The following SALL2 variants were observed in gnomAD, a reference collection of about 807,000 sequenced individuals.
The protein encoded by SALL2 is spalt like transcription factor 2, also known as sal-like protein 2.
SALL2 carries 32 observed loss-of-function variants against 58.5 expected under a neutral mutation model. That is an observed-to-expected ratio of 0.55 (90% confidence interval 0.41 to 0.74). SALL2 has a LOEUF of 0.74. SALL2 is among the 30% of genes least tolerant of loss of function. The pLI, the probability that SALL2 is intolerant of heterozygous loss-of-function variation, is 0.00. For synonymous variants in SALL2, 516 were observed against 513.6 expected, an observed-to-expected ratio of 1.00 and a Z score of -0.06; for missense variants, 1,201 against 1,268.9, an observed-to-expected ratio of 0.95 and a Z score of 0.81.
Position 21,523,469 on chromosome 14 carries a change from G to A in SALL2, c.2253C>T (p.Ser751=), listed in dbSNP as rs769274188. 1.9e-6 allele frequency: 3 copies of A among 1,614,048 alleles called. No homozygotes were observed. Among genetic ancestry groups the A allele is most frequent in the Non-Finnish European group, 2.5e-6 (3 of 1,180,016 alleles). ...SGARSFPQQQ[S]QQPSPEEELS... ...ACTCCTCTTCCGGTGATGGCTGCTG[G>A]GACTGCTGCTGGGGGAAACTCCGTG... is the stretch of plus-strand genomic sequence containing the variant. Residue 751 remains serine (S), a synonymous_variant, in exon 2 of 2, where the codon TCC becomes TCT. Coordinates refer to ENST00000537235, the MANE Select transcript of SALL2 (RefSeq NM_001364564.1). This position sits in a 1 kb window ranked among gnomAD's most constrained non-coding sequence, Gnocchi z 4.4.
intron 1 of SALL2, among the ~76,000 whole-genome samples, chr14:21,531,671 G>C (rs1043246951): frequency 6.7e-6 from 1 of 150,122 alleles, no homozygotes; most frequent in African/African-American, 2.5e-5. Flanking sequence ...GCCTCCCAAA[G>C]TGCTGGATTA....
intron 1 of SALL2, among the ~76,000 whole-genome samples, chr14:21,531,567 C>T (rs540232598): frequency 1.1e-4 from 17 of 152,066 alleles, no homozygotes; most frequent in African/African-American, 3.4e-4. Flanking sequence ...CCACCACGCC[C>T]GGCTAATTTT....
At position 21,523,022 on chromosome 14, in the gene SALL2, CTT is replaced by C. The variant is rs759163213; in HGVS notation, c.2698_2699del (p.Lys900GlyfsTer49). 6.2e-7 allele frequency: 1 copy of C among 1,614,172 alleles called. No individual in the cohort carries two copies. On this transcript the variant is annotated frameshift_variant, in exon 2 of 2. Transcript: ENST00000537235. LOFTEE classifies it high-confidence loss of function. The surrounding 1 kb of genome is among the most constrained non-coding windows in gnomAD (Gnocchi z 4.4). ...EELSLQEAMR[K>X]EPGESSSRKA... Reference sequence around the variant, plus strand: ...TTCTGCTGCTGCTCTCTCCTGGCTCCTTTCTCATTGCCTCCTGCAGGCTCAGC... The same window carrying C: ...TTCTGCTGCTGCTCTCTCCTGGCTCCTCTCATTGCCTCCTGCAGGCTCAGC...
Position 21,523,864 on chromosome 14 carries a change from G to T in SALL2, c.1858C>A (p.Pro620Thr). 6.2e-7 allele frequency: 1 copy of T among 1,614,234 alleles called. No homozygotes were observed. The highest frequency in any genetic ancestry group is 8.5e-7 in the Non-Finnish European group (1 of 1,180,048). ...SGAPTTSAPAPSSSASSGPNQ... is the reference protein window; with the variant it reads ...SGAPTTSAPATSSSASSGPNQ... ...GGTCCAGAAGAGGCTGAGGATGAAG[G>T]TGCAGGGGCAGAGGTGGTGGGGGCT... Residue 620 changes from proline (P) to threonine (T), a missense_variant, in exon 2 of 2, where the codon CCT becomes ACT. Pro to Thr is a conservative substitution (Grantham distance 38). Transcript: ENST00000537235. The surrounding 1 kb of genome is among the most constrained non-coding windows in gnomAD (Gnocchi z 4.4).
At chr14:21,535,948 A>C (rs1892585709) in intron 1 of SALL2, among the ~76,000 whole-genome samples, 1 of 147,078 alleles carries the variant, frequency 6.8e-6, no homozygotes, top group African/African-American at 2.5e-5. Flanking sequence ...ACCCAGGTTT[A>C]GTGGGTTTAG....
At chr14:21,527,072 A>G (rs1892340281), upstream of SALL2, among the ~76,000 whole-genome samples, 1 of 152,124 alleles carries the variant, frequency 6.6e-6, no homozygotes. Flanking sequence ...GCCATCTCCT[A>G]TTTAGTACCC....
In SALL2 at chr14:21,524,146, G is replaced by T; in HGVS notation, c.1576C>A (p.Pro526Thr). ...ATGGCTGAGCCCTCACTCCCTGGGG[G>T]GGTGTTTTCATCAGCTTTATTCTTG... ...EPKNKADENT[P>T]PGSEGSAISG... The change falls in exon 2 of 2, where the codon CCC (proline) becomes ACC (threonine). Residue 526 changes from proline (P) to threonine (T), a missense_variant. Pro to Thr is a conservative substitution (Grantham distance 38, BLOSUM62 -1). Around this residue, in one of 3 missense-constraint regions of SALL2, gnomAD observed 675 missense variants for 683.8 expected, o/e 0.99. Coordinates refer to ENST00000537235, the MANE Select transcript of SALL2 (RefSeq NM_001364564.1). 6.2e-7 allele frequency: 1 copy of T among 1,612,778 alleles called. No individual in the cohort carries two copies. The highest frequency in any genetic ancestry group is 8.5e-7 in the Non-Finnish European group (1 of 1,179,358).
At position 21,521,752 on chromosome 14, in the gene SALL2, G is replaced by A. The variant is rs866897015; in HGVS notation, c.*952C>T. On this transcript the variant is annotated 3_prime_UTR_variant, in exon 2 of 2. Coordinates refer to ENST00000537235, the MANE Select transcript of SALL2 (RefSeq NM_001364564.1). The stretch of plus-strand genomic sequence containing the variant: ...CTTCACATTTCCCAAATATCTCCTG[G>A]GAGACCTCTTGGCAAGAAATCAGCT... 1 of 445,260 alleles carries A rather than the reference G, an allele frequency of 2.2e-6. No homozygotes were observed. The highest frequency in any genetic ancestry group is 4.1e-6 in the Non-Finnish European group (1 of 246,400). 27.6% of individuals were successfully genotyped at this position (445,260 alleles called of 1,614,324 possible).
At position 21,525,725 on chromosome 14, in the gene SALL2, AAGG is replaced by A; in HGVS notation, c.68-74_68-72del. On this transcript the variant is annotated intron_variant, in intron 1 of 1. Coordinates refer to ENST00000537235, the MANE Select transcript of SALL2 (RefSeq NM_001364564.1). The surrounding 1 kb of genome is among the most constrained non-coding windows in gnomAD (Gnocchi z 4.4). ...TGGGTATACCGAGGCTCTAATTAAC[AAGG>A]AGGCCAGTAACCGCTAGTTGGGGGT... 1 of 1,486,292 alleles carries A rather than the reference AAGG, an allele frequency of 6.7e-7. No homozygotes were observed. 92.1% of individuals were successfully genotyped at this position (1,486,292 alleles called of 1,614,324 possible). A position where few individuals can be genotyped will look rare whatever the true frequency, so the allele number is the denominator to read the frequency against.
chr14:21,536,902 C>T (rs201628931), intron 1 of SALL2: 14 of 1,614,052 alleles, frequency 8.7e-6, no homozygotes, highest in Non-Finnish European at 5.1e-6. Context: ...TTGGGGTTTC[C>T]GCTGCTTTCG....
At position 21,525,599 on chromosome 14, in the gene SALL2, G is replaced by A. The variant is rs867929116; in HGVS notation, c.123C>T (p.Phe41=). 2.5e-6 allele frequency: 4 copies of A among 1,609,980 alleles called. No homozygotes were observed. Among genetic ancestry groups the A allele is most frequent in the Middle Eastern group, 1.6e-4 (1 of 6,068 alleles). Residue 41 remains phenylalanine (F), a synonymous_variant, in exon 2 of 2, where the codon TTC becomes TTT. Coordinates refer to ENST00000537235, the MANE Select transcript of SALL2 (RefSeq NM_001364564.1). This position sits in a 1 kb window ranked among gnomAD's most constrained non-coding sequence, Gnocchi z 4.4. ...GGGCGAGGAATTCAGTTGGGTCAGT[G>A]AATTGTGCGCAGCACTTGGCACAGA... ...PQVCAKCCAQ[F]TDPTEFLAHQ...
At chr14:21,529,422 A>G (rs17254792), upstream of SALL2, among the ~76,000 whole-genome samples, 336 of 152,320 alleles carry the variant, frequency 2.2e-3, 10 homozygotes, top group East Asian at 0.04. Context: ...CGGGAGAACA[A>G]AGAGAAAAAT....
In SALL2 at chr14:21,522,289, C is replaced by A; in HGVS notation, c.*415G>T. 1 of 1,537,774 alleles carries A rather than the reference C, an allele frequency of 6.5e-7. No individual in the cohort carries two copies. Among genetic ancestry groups the A allele is most frequent in the South Asian group, 1.2e-5 (1 of 84,074 alleles). ...ATACCCACCAGCTGAGCAGAAAGGT[C>A]ACCCCAGAGGAGTGGCACTGGGCCC... On this transcript the variant is annotated 3_prime_UTR_variant, in exon 2 of 2. Transcript: ENST00000537235.
In SALL2 at chr14:21,525,321, C is replaced by T. The variant is rs1472574829; in HGVS notation, c.401G>A (p.Gly134Glu). Residue 134 changes from glycine to glutamate, a missense_variant, in exon 2 of 2, where the codon GGA (glycine) becomes GAA (glutamate). By Grantham distance (98) the Gly-to-Glu change is moderately conservative. This residue lies in a region of SALL2 where 467 missense variants were observed against 468.9 expected (regional missense o/e 1.00). Transcript: ENST00000537235. The surrounding 1 kb of genome is among the most constrained non-coding windows in gnomAD (Gnocchi z 4.4). ...LVAATGTAAG[G>E]GGGLILASPK... ...ACTGGCCAAGATCAGGCCCCCGCCTCCCCCAGCCGCTGTACCTGTGGCAGC... is the reference window on the plus strand; with the variant it reads ...ACTGGCCAAGATCAGGCCCCCGCCTTCCCCAGCCGCTGTACCTGTGGCAGC... 3 of 1,613,690 alleles carry T rather than the reference C, an allele frequency of 1.9e-6. No homozygotes were observed. Among genetic ancestry groups the T allele is most frequent in the East Asian group, 4.5e-5 (2 of 44,854 alleles).
intron 1 of SALL2, among the ~76,000 whole-genome samples, chr14:21,534,986 G>C (rs1159506309): frequency 6.6e-6 from 1 of 152,190 alleles, no homozygotes; most frequent in African/African-American, 2.4e-5. Flanking sequence ...GGAAAGGCAA[G>C]TTTAATCTAC....
intron 1 of SALL2, 41 bp downstream of exon 1, chr14:21,526,020 T>G: frequency 7.4e-5 from 60 of 809,574 alleles, no homozygotes; most frequent in Non-Finnish European, 1.0e-4. Context: ...CGCATCCCCC[T>G]CCGCCCCCAC....
At chr14:21,526,010 C>G in intron 1 of SALL2, 51 bp downstream of exon 1, 3 of 965,386 alleles carry the variant, frequency 3.1e-6, no homozygotes, top group African/African-American at 1.6e-5. Flanking sequence ...GCCGCCCCTG[C>G]GCATCCCCCT....
rs866248065 is a variant in SALL2 at position 21,534,694 on chromosome 14, A to G, written c.-114+2268T>C. Among the ~76,000 whole-genome samples the G allele has an allele frequency of 1.3e-5, 2 of 151,974 alleles. 1 individual carries two copies. On this transcript the variant is annotated intron_variant, in intron 1 of 1. Coordinates refer to the SALL2 transcript ENST00000541965. ...AGTTCCACAATCAAACCAGCAGGAG[A>G]GCAGAACTGTGAGGCAACTCTGGGG... is the stretch of plus-strand genomic sequence containing the variant.
chr14:21,521,992 A>C lies in SALL2; in HGVS notation c.*712T>G. On this transcript the variant is annotated 3_prime_UTR_variant, in exon 2 of 2. Transcript: ENST00000537235. ...ACCTTCTGGAGCAGGGGGAGGAAGA[A>C]GGAATGTACAGTTTGCTACTTCTTG... The C allele has an allele frequency of 1.3e-6, 2 of 1,551,222 alleles. No individual in the cohort carries two copies. Among genetic ancestry groups the C allele is most frequent in the Non-Finnish European group, 1.7e-6 (2 of 1,151,496 alleles).
Sources: gnomAD v4.1 joint callset for allele counts (sites outside exome capture counted in the v4.1 genomes callset) on GRCh38, gnomAD v4.1.1 for gene constraint, gnomAD v4.1.1 regional missense constraint, Gnocchi (gnomAD v3.1) non-coding constraint, MANE v1.5 for transcripts, NCBI Gene and HGNC (gene_info 2026-07-23, HGNC 2026-07-21) for gene names.